The following RBM6 variants were observed in gnomAD, a reference collection of about 807,000 sequenced individuals.
The protein encoded by RBM6 is RNA binding motif protein 6.
In RBM6, 23 loss-of-function variants were observed where a neutral mutation model predicts 140.4. The ratio of observed to expected loss-of-function variants is 0.16; its 90% CI spans 0.12 to 0.23. The LOEUF (loss-of-function observed/expected upper bound fraction) is 0.23. RBM6 is among the 10% of genes least tolerant of loss of function. The pLI, the probability that RBM6 is intolerant of heterozygous loss-of-function variation, is 1.00. For synonymous variants in RBM6, 439 were observed against 475.6 expected, an observed-to-expected ratio of 0.92 and a Z score of 1.00; for missense variants, 1,139 against 1,386.7, an observed-to-expected ratio of 0.82 and a Z score of 2.84.
chr3:50,030,384 A>G (rs1409322055), intron 6 of RBM6, among the ~76,000 whole-genome samples: 1 of 151,782 alleles, frequency 6.6e-6, no homozygotes, highest in African/African-American at 2.4e-5. Flanking sequence ...AATTGGTTGG[A>G]TACATTAAGT....
intron 15 of RBM6, among the ~76,000 whole-genome samples, chr3:50,062,516 AAAC>A (rs1007686290): frequency 6.6e-6 from 1 of 151,908 alleles, no homozygotes; most frequent in African/African-American, 2.4e-5. Flanking sequence ...AAAAAAAAAA[AAAC>A]CTCTGTTAAT....
intron 15 of RBM6, among the ~76,000 whole-genome samples, chr3:50,064,503 G>C (rs1304129757): frequency 6.6e-6 from 1 of 151,798 alleles, no homozygotes; most frequent in African/African-American, 2.4e-5. Flanking sequence ...ATATACTAAC[G>C]TTTTATTTTA....
chr3:50,013,008 G>A (rs1192534814), intron 6 of RBM6, among the ~76,000 whole-genome samples: 1 of 151,940 alleles, frequency 6.6e-6, no homozygotes, highest in African/African-American at 2.4e-5. Flanking sequence ...CTCCTAAAGT[G>A]CTGGGATTAC....
In RBM6 at chr3:49,944,357, A is replaced by G. The variant is rs187406760; in HGVS notation, c.-67+4132A>G. Among the ~76,000 whole-genome samples the G allele has an allele frequency of 1.9e-4, 29 of 152,214 alleles. No individual in the cohort carries two copies. In the East Asian group the frequency reaches 5.4e-3, roughly 28 times the overall value. On this transcript the variant is annotated intron_variant, in intron 1 of 20. Coordinates refer to ENST00000266022, the MANE Select transcript of RBM6 (RefSeq NM_005777.3). ...CCTTTTTAAGGCTGAGTAATATTCC[A>G]TTATACATATATACCACATTTTGTT...
chr3:50,047,748 T>TAAA (rs2108878945), intron 6 of RBM6, among the ~76,000 whole-genome samples: 1 of 152,340 alleles, frequency 6.6e-6, no homozygotes, highest in East Asian at 1.9e-4. Flanking sequence ...CTGGTGCTTT[T>TAAA]GCCATACAGC....
intron 10 of RBM6, 145 bp from the exon 11 acceptor site, chr3:50,059,504 T>C (rs986688572): frequency 1.7e-6 from 1 of 602,654 alleles, no homozygotes; most frequent in African/African-American, 1.9e-5. Flanking sequence ...ATGCTCTTAC[T>C]GTTAAAATTT....
chr3:50,002,624 A>T (rs1041833647), intron 6 of RBM6, among the ~76,000 whole-genome samples: 5 of 152,160 alleles, frequency 3.3e-5, no homozygotes, highest in African/African-American at 1.2e-4. Flanking sequence ...CTTGAACTGC[A>T]GACCTTAGGT....
Position 49,968,355 on chromosome 3 carries a change from G to A in RBM6, c.930G>A (p.Val310=). 6.2e-7 allele frequency: 1 copy of A among 1,614,154 alleles called. No homozygotes were observed. Among genetic ancestry groups the A allele is most frequent in the African/African-American group, 1.3e-5 (1 of 75,042 alleles). Residue 310 remains valine, a synonymous_variant, in exon 3 of 21, where the codon GTG becomes GTA. Transcript: ENST00000266022. The stretch of plus-strand genomic sequence containing the variant: ...ATAGAGAACATTCTGGTATGAATGT[G>A]AACAGGAGAGAAGAATCCACACATG... The part of the protein sequence containing the change: ...TQDREHSGMN[V]NRREESTHDH...
At chr3:50,076,023 C>T (rs1484626692) in intron 20 of RBM6, among the ~76,000 whole-genome samples, 1 of 151,096 alleles carries the variant, frequency 6.6e-6, no homozygotes, top group Non-Finnish European at 1.5e-5. Context: ...GGCTGGAATG[C>T]AGTGGTGCGA....
intron 4 of RBM6, among the ~76,000 whole-genome samples, chr3:49,973,254 G>C (rs2084886344): frequency 6.6e-6 from 1 of 151,900 alleles, no homozygotes; most frequent in Non-Finnish European, 1.5e-5. Context: ...TCAGCCTCCT[G>C]AGTAGCTGGG....
chr3:49,946,735 A>G (rs1014301097), intron 1 of RBM6, among the ~76,000 whole-genome samples: 2 of 151,432 alleles, frequency 1.3e-5, no homozygotes, highest in African/African-American at 2.4e-5. Flanking sequence ...GGGTTTCACC[A>G]TATTAGCCAG....
intron 9 of RBM6, 24 bp downstream of exon 9, chr3:50,058,027 A>G: frequency 2.5e-6 from 4 of 1,606,492 alleles, no homozygotes; most frequent in Non-Finnish European, 3.4e-6. Flanking sequence ...CAGGGCACAT[A>G]CCAGACTGTG....
intron 6 of RBM6, among the ~76,000 whole-genome samples, chr3:50,019,024 T>C (rs1442331356): frequency 6.6e-6 from 1 of 151,960 alleles, no homozygotes; most frequent in Non-Finnish European, 1.5e-5. Context: ...GGTAGCCATT[T>C]TTATTTTTAT....
At chr3:50,054,176 C>T (rs2089604832) in intron 7 of RBM6, 159 bp from the exon 8 acceptor site, 2 of 621,714 alleles carry the variant, frequency 3.2e-6, no homozygotes, top group African/African-American at 3.7e-5. Flanking sequence ...TCCCATCTGC[C>T]AGCTCTAATC....
chr3:50,041,169 G>A (rs941116591), intron 6 of RBM6, among the ~76,000 whole-genome samples: 1 of 152,226 alleles, frequency 6.6e-6, no homozygotes, highest in African/African-American at 2.4e-5. Context: ...GATAGGAAGT[G>A]GCAGCTGACA....
At chr3:50,007,811 G>A (rs1346597351) in intron 6 of RBM6, among the ~76,000 whole-genome samples, 1 of 152,220 alleles carries the variant, frequency 6.6e-6, no homozygotes, top group Non-Finnish European at 1.5e-5. Context: ...GGGATTACAG[G>A]CGTGAGCCAC....
At position 49,962,599 on chromosome 3, in the gene RBM6, T is replaced by G; in HGVS notation, c.-43T>G. ...AGGTACTGCTATAACCAGAATTTGG[T>G]AGAAAAAGGATTTACTTGTTGGGGC... is the stretch of plus-strand genomic sequence containing the variant. On this transcript the variant is annotated 5_prime_UTR_variant, in exon 2 of 21. Coordinates refer to ENST00000266022, the MANE Select transcript of RBM6 (RefSeq NM_005777.3). The G allele has an allele frequency of 9.0e-6, 14 of 1,563,944 alleles. No individual in the cohort carries two copies. Among genetic ancestry groups the G allele is most frequent in the Non-Finnish European group, 1.2e-5 (14 of 1,154,144 alleles).
At chr3:50,043,729 A>G (rs982097444) in intron 6 of RBM6, among the ~76,000 whole-genome samples, 2 of 151,190 alleles carry the variant, frequency 1.3e-5, no homozygotes, top group African/African-American at 4.9e-5. Context: ...GATTACAAGC[A>G]TGTGCCACCA....
chr3:50,035,532 A>C (rs1004681481), intron 6 of RBM6, among the ~76,000 whole-genome samples: 1 of 151,746 alleles, frequency 6.6e-6, no homozygotes, highest in Non-Finnish European at 1.5e-5. Context: ...AATACAAAAA[A>C]TTAGCCGGGC....
Sources: allele counts gnomAD v4.1 joint callset (sites outside exome capture counted in the v4.1 genomes callset), GRCh38; gene constraint gnomAD v4.1.1; transcripts MANE v1.5; gene names NCBI Gene and HGNC (gene_info 2026-07-23, HGNC 2026-07-21).